The following PBX3 variants were observed in gnomAD, a reference collection of about 807,000 sequenced individuals.
PBX3 encodes PBX homeobox 3.
A neutral mutation model predicts 48.5 loss-of-function variants in PBX3; 14 were observed. The observed-to-expected ratio is 0.29, with a 90% CI of 0.19 to 0.45. The LOEUF (loss-of-function observed/expected upper bound fraction) is 0.45, where lower values mean the gene tolerates loss of function less well. PBX3 is among the 20% of genes least tolerant of loss of function. The probability of loss-of-function intolerance (pLI) is 1.00; values close to 1 mark genes in which losing one functional copy is unlikely to be tolerated. For synonymous variants in PBX3, 210 were observed against 200.3 expected (o/e 1.05, Z -0.41); for missense variants, 386 against 546.7 (o/e 0.71, Z 2.93).
chr9:125,777,010 C>CTTTTTTTTTT (rs1299800849), intron 2 of PBX3, among the ~76,000 whole-genome samples: 2 of 94,348 alleles, frequency 2.1e-5, no homozygotes, highest in East Asian at 3.0e-4. Context: ...TTTTTCTTTT[C>CTTTTTTTTTT]TTTTCTTTTT....
chr9:125,784,936 C>T (rs1837420423), intron 2 of PBX3, among the ~76,000 whole-genome samples: 2 of 152,170 alleles, frequency 1.3e-5, no homozygotes, highest in African/African-American at 4.8e-5. Context: ...TTCTGAATTT[C>T]ATAGTATATA....
At chr9:125,753,749 A>G (rs1201158542) in intron 2 of PBX3, among the ~76,000 whole-genome samples, 3 of 152,048 alleles carry the variant, frequency 2.0e-5, no homozygotes, top group Non-Finnish European at 4.4e-5. Flanking sequence ...TACACTAGCA[A>G]AGGAGGCCCC....
chr9:125,808,194 AT>A (rs1158644374), intron 2 of PBX3, among the ~76,000 whole-genome samples: 2 of 152,168 alleles, frequency 1.3e-5, no homozygotes, highest in Non-Finnish European at 2.9e-5. Context: ...TGGGGAAACA[AT>A]TTTTTTGTTG....
chr9:125,799,973 A>T (rs2132090103), intron 2 of PBX3, among the ~76,000 whole-genome samples: 1 of 152,318 alleles, frequency 6.6e-6, no homozygotes, highest in South Asian at 2.1e-4. Flanking sequence ...AAATCAAGGG[A>T]CTGCATTGTT....
At chr9:125,777,247 A>G (rs1837098363) in intron 2 of PBX3, among the ~76,000 whole-genome samples, 1 of 151,990 alleles carries the variant, frequency 6.6e-6, no homozygotes. Flanking sequence ...TCCTGAGCTC[A>G]GGTAATCTGC....
intron 2 of PBX3, among the ~76,000 whole-genome samples, chr9:125,852,800 C>T (rs1009171484): frequency 6.6e-6 from 1 of 152,080 alleles, no homozygotes; most frequent in Non-Finnish European, 1.5e-5. Flanking sequence ...GACATTTCTT[C>T]TGCTTTTAAA....
chr9:125,948,863 C>T (rs1842126915), intron 5 of PBX3, among the ~76,000 whole-genome samples: 1 of 152,104 alleles, frequency 6.6e-6, no homozygotes, highest in Non-Finnish European at 1.5e-5. Flanking sequence ...GCCTCCTGGG[C>T]TCAAGTGATC....
intron 8 of PBX3, 58 bp downstream of exon 8, chr9:125,963,159 A>G: frequency 1.1e-6 from 1 of 904,724 alleles, no homozygotes; most frequent in Non-Finnish European, 1.7e-6. Flanking sequence ...AGTGACTAAT[A>G]AAGAAATTAA....
chr9:125,837,670 T>G (rs1164558280), intron 2 of PBX3, among the ~76,000 whole-genome samples: 1 of 151,534 alleles, frequency 6.6e-6, no homozygotes, highest in Admixed American at 6.6e-5. Context: ...CTCAAGACTT[T>G]TTTTTTTCTC....
chr9:125,833,158 T>C (rs1369179408), intron 2 of PBX3, among the ~76,000 whole-genome samples: 1 of 152,124 alleles, frequency 6.6e-6, no homozygotes, highest in African/African-American at 2.4e-5. Context: ...TTGTGTTTAC[T>C]GAGTTCCTGC....
At chr9:125,952,582 G>A (rs1257821547) in intron 5 of PBX3, among the ~76,000 whole-genome samples, 5 of 152,146 alleles carry the variant, frequency 3.3e-5, no homozygotes, top group Non-Finnish European at 7.3e-5. Flanking sequence ...GGAAATTTCA[G>A]TGGCTTGAGA....
chr9:125,779,685 C>T (rs1165452035), intron 2 of PBX3, among the ~76,000 whole-genome samples: 30 of 140,834 alleles, frequency 2.1e-4, no homozygotes, highest in East Asian at 1.9e-3. Context: ...AGCAACCATC[C>T]GATTTCTCAA....
intron 6 of PBX3, 102 bp downstream of exon 6, chr9:125,960,951 G>C: frequency 6.8e-6 from 1 of 146,294 alleles, no homozygotes; most frequent in Non-Finnish European, 1.2e-5. Flanking sequence ...GGACAGAGTG[G>C]ACTTAAAAAG....
At chr9:125,930,880 T>C (rs1036197257) in intron 4 of PBX3, among the ~76,000 whole-genome samples, 8 of 152,224 alleles carry the variant, frequency 5.3e-5, no homozygotes, top group African/African-American at 1.9e-4. Context: ...AGCTTTCCAA[T>C]GCTCGATACA....
chr9:125,953,677 A>G (rs916282040), intron 5 of PBX3, among the ~76,000 whole-genome samples: 3 of 152,314 alleles, frequency 2.0e-5, no homozygotes, highest in Non-Finnish European at 2.9e-5. Context: ...AAAAGATTCT[A>G]TAGCTGACAG....
intron 2 of PBX3, among the ~76,000 whole-genome samples, chr9:125,832,584 T>C (rs925510643): frequency 1.3e-5 from 2 of 152,242 alleles, no homozygotes; most frequent in African/African-American, 4.8e-5. Flanking sequence ...TATATTTCAC[T>C]GAAGAGATAG....
At chr9:125,879,526 T>C in intron 2 of PBX3, among the ~76,000 whole-genome samples, 1 of 152,198 alleles carries the variant, frequency 6.6e-6, no homozygotes, top group East Asian at 1.9e-4. Context: ...GGCAAGTGGG[T>C]TGAAAGTACT....
At chr9:125,925,789 G>T (rs569148686) in intron 3 of PBX3, among the ~76,000 whole-genome samples, 1 of 152,152 alleles carries the variant, frequency 6.6e-6, no homozygotes, top group Non-Finnish European at 1.5e-5. Context: ...GGCTCACAAT[G>T]TATTTCTATT....
chr9:125,827,117 T>C (rs1456990257), intron 2 of PBX3, among the ~76,000 whole-genome samples: 1 of 152,132 alleles, frequency 6.6e-6, no homozygotes, highest in East Asian at 1.9e-4. Context: ...CACATATAAA[T>C]GAGAACGTGA....
Sources: allele counts gnomAD v4.1 joint callset (sites outside exome capture counted in the v4.1 genomes callset), GRCh38; gene constraint gnomAD v4.1.1; transcripts MANE v1.5; gene names NCBI Gene and HGNC (gene_info 2026-07-23, HGNC 2026-07-21).